IL19: variants seen among roughly 807,000 people sequenced by gnomAD.
IL19 encodes interleukin 19, also known as interleukin-19.
A neutral mutation model predicts 19.5 loss-of-function variants in IL19; 15 were observed. The observed-to-expected ratio is 0.77, with a 90% CI of 0.52 to 1.19. The LOEUF (loss-of-function observed/expected upper bound fraction) is 1.19. IL19 is among the 50% of genes most tolerant of loss of function. The pLI, the probability that IL19 is intolerant of heterozygous loss-of-function variation, is 0.00. For synonymous variants in IL19, 78 were observed against 78.3 expected (o/e 1.00, Z 0.02); for missense variants, 199 against 213.1 (o/e 0.93, Z 0.41).
rs1558623086 is a variant in IL19 at position 206,837,017 on chromosome 1, C to T, written c.204C>T (p.Ile68=). The change falls in exon 4 of 7, where the codon ATC becomes ATT. Residue 68 remains isoleucine, a synonymous_variant. Transcript: ENST00000659997. ...TGTCCACATTGGAGACTCTGCAGAT[C>T]ATTAAGGTATTGGCCTGTGTCTGCT... ...TILSTLETLQ[I]IKPLDVCCVT... The T allele has an allele frequency of 6.2e-7, 1 of 1,612,160 alleles. No homozygotes were observed. Among genetic ancestry groups the T allele is most frequent in the East Asian group, 2.2e-5 (1 of 44,878 alleles).
chr1:206,823,329 G>A (rs543102605), intron 2 of IL19, among the ~76,000 whole-genome samples: 8 of 152,018 alleles, frequency 5.3e-5, no homozygotes, highest in South Asian at 2.1e-4. Flanking sequence ...TGAGGTGGGC[G>A]GATCACGAGG....
chr1:206,838,736 T>TTTCCCTTCCCTTCCCTTCCC (rs528779104), intron 4 of IL19, among the ~76,000 whole-genome samples: 9 of 117,200 alleles, frequency 7.7e-5, no homozygotes, highest in African/African-American at 2.3e-4. Context: ...CTTCCCTTCC[T>TTTCCCTTCCCTTCCCTTCCC]TTCCCTTCCC....
chr1:206,782,523 G>T (rs1675171297), intron 1 of IL19, among the ~76,000 whole-genome samples: 1 of 152,178 alleles, frequency 6.6e-6, no homozygotes, highest in African/African-American at 2.4e-5. Context: ...ACCTGGCTTG[G>T]GTAGACAAGG....
At chr1:206,788,812 A>G (rs1004675643) in intron 1 of IL19, among the ~76,000 whole-genome samples, 1 of 152,244 alleles carries the variant, frequency 6.6e-6, no homozygotes, top group Non-Finnish European at 1.5e-5. Flanking sequence ...TTGATTCCAT[A>G]GCGGTTTCTC....
At chr1:206,820,671 C>T (rs774230098) in intron 2 of IL19, among the ~76,000 whole-genome samples, 4 of 152,334 alleles carry the variant, frequency 2.6e-5, no homozygotes, top group Non-Finnish European at 4.4e-5. Flanking sequence ...GTGGACATGG[C>T]TGGGTGAGAA....
At position 206,800,746 on chromosome 1, in the gene IL19, C is replaced by G. The variant is rs560123231; in HGVS notation, c.-3+1740C>G. On this transcript the variant is annotated intron_variant, in intron 2 of 6. Transcript: ENST00000659997. The stretch of plus-strand genomic sequence containing the variant: ...GAGGAAGGTGAGACATTTAGTATAT[C>G]TGGAACACAAAAAATATGGGGAAAA... Among the ~76,000 whole-genome samples the G allele has an allele frequency of 5.9e-5, 9 of 152,338 alleles. 1 individual carries two copies. In the South Asian group the frequency reaches 1.9e-3, roughly 32 times the overall value.
rs777582308 is a variant in IL19, at chr1:206,770,984, G to A, written c.-243G>A. The A allele has an allele frequency of 6.2e-7, 1 of 1,613,986 alleles. No individual in the cohort carries two copies. Among genetic ancestry groups the A allele is most frequent in the Non-Finnish European group, 8.5e-7 (1 of 1,179,980 alleles). The stretch of plus-strand genomic sequence containing the variant: ...ACATGCGCCTTGATGTCTGGGTCTT[G>A]GTTCTCAGCTTGGGGCATCACCTCC... On this transcript the variant is annotated 5_prime_UTR_variant, in exon 1 of 7. It introduces an in-frame stop codon into an upstream open reading frame of the 5' UTR. Transcript: ENST00000659997.
chr1:206,799,565 C>T (rs984310823), intron 2 of IL19, among the ~76,000 whole-genome samples: 10 of 152,226 alleles, frequency 6.6e-5, no homozygotes, highest in Non-Finnish European at 1.0e-4. Context: ...CATCTCTGAG[C>T]AGTTTGCAGA....
chr1:206,817,761 C>CTTTTTTTTTTT, intron 2 of IL19, among the ~76,000 whole-genome samples: 1 of 139,796 alleles, frequency 7.2e-6, no homozygotes. Context: ...TAGAAGATTT[C>CTTTTTTTTTTT]TTTTTTTTTT....
At chr1:206,776,185 T>A (rs1420541295) in intron 1 of IL19, among the ~76,000 whole-genome samples, 1 of 152,076 alleles carries the variant, frequency 6.6e-6, no homozygotes, top group Non-Finnish European at 1.5e-5. Flanking sequence ...TGTATTTTAT[T>A]TTCTGTCTCA....
At chr1:206,812,944 A>G (rs1676050956) in intron 2 of IL19, among the ~76,000 whole-genome samples, 1 of 152,242 alleles carries the variant, frequency 6.6e-6, no homozygotes, top group Non-Finnish European at 1.5e-5. Flanking sequence ...AAGTAATTCA[A>G]ACGGATACAA....
At chr1:206,813,665 A>G (rs535743168) in intron 2 of IL19, among the ~76,000 whole-genome samples, 1 of 152,210 alleles carries the variant, frequency 6.6e-6, no homozygotes, top group South Asian at 2.1e-4. Flanking sequence ...TGCAACCTTT[A>G]TGATATTTTA....
intron 2 of IL19, among the ~76,000 whole-genome samples, chr1:206,818,817 CT>C (rs11373916): frequency 4.9e-4 from 68 of 138,618 alleles, no homozygotes; most frequent in African/African-American, 4.8e-4. Flanking sequence ...CTTTTTCTTT[CT>C]TTTTTTTTTT....
At chr1:206,779,618 A>G (rs1038553602) in intron 1 of IL19, among the ~76,000 whole-genome samples, 25 of 152,154 alleles carry the variant, frequency 1.6e-4, no homozygotes, top group African/African-American at 6.0e-4. Context: ...ATTTCCAAGC[A>G]CCAATCTGAT....
intron 2 of IL19, among the ~76,000 whole-genome samples, chr1:206,813,006 T>A (rs1202455974): frequency 6.6e-6 from 1 of 152,220 alleles, no homozygotes; most frequent in African/African-American, 2.4e-5. Context: ...TGCTCGCCTG[T>A]TTTATATGCT....
chr1:206,801,311 T>C (rs1675676426), intron 2 of IL19, among the ~76,000 whole-genome samples: 1 of 152,194 alleles, frequency 6.6e-6, no homozygotes, highest in South Asian at 2.1e-4. Context: ...TGCTCTGGAA[T>C]GTTCCTTGGA....
chr1:206,828,179 C>T (rs1051833738), intron 2 of IL19, among the ~76,000 whole-genome samples: 2 of 1,512 alleles, frequency 1.3e-3, no homozygotes, highest in Non-Finnish European at 6.2e-3. Context: ...AGATTGATGG[C>T]TATATAGGAC....
intron 6 of IL19, among the ~76,000 whole-genome samples, chr1:206,841,875 C>T (rs926816429): frequency 8.5e-5 from 13 of 152,156 alleles, no homozygotes; most frequent in Non-Finnish European, 1.0e-4. Context: ...AACTGAGGCT[C>T]GAGCAGGTAA....
At chr1:206,835,117 T>C (rs747214074) in intron 2 of IL19, among the ~76,000 whole-genome samples, 3 of 152,200 alleles carry the variant, frequency 2.0e-5, no homozygotes, top group Non-Finnish European at 4.4e-5. Flanking sequence ...AAGGGAGACA[T>C]CTTTCTCCTC....
Sources: allele counts gnomAD v4.1 joint callset (sites outside exome capture counted in the v4.1 genomes callset), GRCh38; gene constraint gnomAD v4.1.1; transcripts MANE v1.5; gene names NCBI Gene and HGNC (gene_info 2026-07-23, HGNC 2026-07-21).